ASS1: variants seen among roughly 807,000 people sequenced by gnomAD.
The protein encoded by ASS1 is argininosuccinate synthase 1.
ASS1 carries 58 observed loss-of-function variants against 60.5 expected under a neutral mutation model. That is an observed-to-expected ratio of 0.96 (90% CI 0.78 to 1.19). The LOEUF is 1.19. Among genes scored for constraint, ASS1 ranks in the 50% most tolerant of loss-of-function variants. ASS1 has a pLI of 0.00. For missense variants in ASS1, 454 were observed against 547.3 expected (o/e 0.83, Z 1.70); for synonymous variants, 200 against 206.9 (o/e 0.97, Z 0.29).
chr9:130,466,971 G>A (rs1320479877), intron 6 of ASS1, among the ~76,000 whole-genome samples, 172 bp downstream of exon 6: 2 of 152,238 alleles, frequency 1.3e-5, no homozygotes, highest in Non-Finnish European at 2.9e-5. Context: ...CCCCTGGGCT[G>A]ACCCCACAGA....
In ASS1 at chr9:130,476,602, T is replaced by G. The variant is rs1846025082; in HGVS notation, c.598-269T>G. 3 of 567,874 alleles carry G rather than the reference T, an allele frequency of 5.3e-6. No homozygotes were observed. The highest frequency in any genetic ancestry group is 4.8e-4 in the Middle Eastern group (1 of 2,068). 35.2% of individuals were successfully genotyped at this position (567,874 alleles called of 1,614,324 possible). A position where few individuals can be genotyped will look rare whatever the true frequency, so the allele number is the denominator to read the frequency against. ...TGCCTGACTTGTTCCTCTCCAGCTA[T>G]TCTACCTCCAGCTGTGGGGGCGTCG... On this transcript the variant is annotated intron_variant, in intron 8 of 14. Coordinates refer to ENST00000352480, the MANE Select transcript of ASS1 (RefSeq NM_054012.4). The surrounding 1 kb of genome is among the most constrained non-coding windows in gnomAD (Gnocchi z 4.9).
At chr9:130,499,166 G>A (rs1215543185) in intron 13 of ASS1, among the ~76,000 whole-genome samples, 1 of 152,216 alleles carries the variant, frequency 6.6e-6, no homozygotes, top group Non-Finnish European at 1.5e-5. Flanking sequence ...TGGCTTGGAC[G>A]AGTTACCCAT....
At chr9:130,447,646 G>C (rs965979510) in intron 1 of ASS1, among the ~76,000 whole-genome samples, 1 of 152,230 alleles carries the variant, frequency 6.6e-6, no homozygotes, top group Non-Finnish European at 1.5e-5. Context: ...GAAACCTGCC[G>C]TGGCCCTTTC....
intron 13 of ASS1, among the ~76,000 whole-genome samples, chr9:130,496,738 T>C (rs1846612896): frequency 6.6e-6 from 1 of 152,032 alleles, no homozygotes; most frequent in South Asian, 2.1e-4. Flanking sequence ...CAGGTAACGA[T>C]TGGCCACTCC....
At chr9:130,479,354 C>G (rs1846106431) in intron 9 of ASS1, among the ~76,000 whole-genome samples, 1 of 152,094 alleles carries the variant, frequency 6.6e-6, no homozygotes, top group African/African-American at 2.4e-5. Flanking sequence ...CCAGGCGGCC[C>G]CCGGGTGACT....
At chr9:130,495,484 C>T (rs1291049688) in intron 13 of ASS1, among the ~76,000 whole-genome samples, 19 of 150,892 alleles carry the variant, frequency 1.3e-4, no homozygotes, top group African/African-American at 4.4e-4. Context: ...CACACACACA[C>T]ACACACACAC....
chr9:130,479,957 G>C, intron 10 of ASS1, 157 bp downstream of exon 10: 1 of 919,698 alleles, frequency 1.1e-6, no homozygotes, highest in Non-Finnish European at 1.8e-6. Flanking sequence ...GGACCAGGGG[G>C]ACCCATTTGG....
chr9:130,458,667 G>T (rs543324132), intron 4 of ASS1, 78 bp downstream of exon 4: 1 of 1,543,072 alleles, frequency 6.5e-7, no homozygotes, highest in Non-Finnish European at 8.8e-7. Flanking sequence ...CCCCTCGAGC[G>T]GTTTCCTGGT....
At chr9:130,468,490 C>G (rs1351717310) in intron 6 of ASS1, among the ~76,000 whole-genome samples, 1 of 152,178 alleles carries the variant, frequency 6.6e-6, no homozygotes, top group African/African-American at 2.4e-5. Flanking sequence ...TAGCTCATTG[C>G]AGCCTCAACC....
chr9:130,461,717 G>A (rs1180167265), intron 4 of ASS1, among the ~76,000 whole-genome samples: 1 of 152,216 alleles, frequency 6.6e-6, no homozygotes, highest in African/African-American at 2.4e-5. Context: ...TGGAGAACCA[G>A]GAAGGCTGGG....
At chr9:130,449,255 A>T (rs963492685) in intron 1 of ASS1, among the ~76,000 whole-genome samples, 1 of 148,426 alleles carries the variant, frequency 6.7e-6, no homozygotes, top group African/African-American at 2.5e-5. Context: ...GGATGGGAGG[A>T]TCCCTTGAGC....
chr9:130,456,417 A>G (rs952285428), intron 3 of ASS1, among the ~76,000 whole-genome samples: 15 of 151,418 alleles, frequency 9.9e-5, no homozygotes, highest in African/African-American at 9.7e-5. Flanking sequence ...AGTAAGCTGA[A>G]ATCACACCAT....
At chr9:130,486,528 C>T (rs952459324) in intron 11 of ASS1, among the ~76,000 whole-genome samples, 1 of 152,162 alleles carries the variant, frequency 6.6e-6, no homozygotes, top group Non-Finnish European at 1.5e-5. Flanking sequence ...AAAATGATGA[C>T]GGACCCATTT....
At chr9:130,471,429 T>C (rs1845863042) in intron 7 of ASS1, 56 bp from the exon 8 acceptor site, 2 of 1,582,170 alleles carry the variant, frequency 1.3e-6, no homozygotes, top group South Asian at 1.1e-5. Flanking sequence ...TGTTGGGGGA[T>C]GGGGACATGC....
At chr9:130,461,155 G>C (rs968782807) in intron 4 of ASS1, among the ~76,000 whole-genome samples, 2 of 146,850 alleles carry the variant, frequency 1.4e-5, no homozygotes, top group Admixed American at 1.4e-4. Context: ...TCTTTCCAAC[G>C]GTACCATTAA....
intron 9 of ASS1, among the ~76,000 whole-genome samples, chr9:130,479,491 G>A (rs1423781525): frequency 6.6e-6 from 1 of 152,212 alleles, no homozygotes; most frequent in African/African-American, 2.4e-5. Flanking sequence ...GGGTGGGGGA[G>A]AGCGTTTTTA....
chr9:130,472,614 C>T (rs1163110134), intron 8 of ASS1, among the ~76,000 whole-genome samples: 1 of 152,190 alleles, frequency 6.6e-6, no homozygotes. Context: ...CCTCCCTGTC[C>T]AAACCTGTCA....
At chr9:130,460,804 A>G (rs115983857) in intron 4 of ASS1, among the ~76,000 whole-genome samples, 2,633 of 152,138 alleles carry the variant, frequency 0.017, 64 homozygotes, top group African/African-American at 0.058. Flanking sequence ...GATGCTGGGG[A>G]AGAGACAGGG....
At position 130,448,422 on chromosome 9, in the gene ASS1, G is replaced by GCACACA. The variant is rs3085579; in HGVS notation, c.-6+3445_-6+3450dup. On this transcript the variant is annotated intron_variant, in intron 1 of 14. Transcript: ENST00000352480. ...TGGGTGCACACAGGTGTGTGCGCGC[G>GCACACA]CACACACACACACACACACACACTG... 2.8e-5 allele frequency among the ~76,000 whole-genome samples: 4 copies of GCACACA among 143,292 alleles called. 1 individual carries two copies. Among genetic ancestry groups the GCACACA allele is most frequent in the African/African-American group, 8.3e-5 (3 of 36,358 alleles). The allele number at this position is 143,292 out of a possible 152,430, so 94.0% of individuals were successfully genotyped here.
Sources: gnomAD v4.1 joint callset for allele counts (sites outside exome capture counted in the v4.1 genomes callset) on GRCh38, gnomAD v4.1.1 for gene constraint, Gnocchi (gnomAD v3.1) non-coding constraint, MANE v1.5 for transcripts, NCBI Gene and HGNC (gene_info 2026-07-23, HGNC 2026-07-21) for gene names.